The following SLC7A9 variants were observed in gnomAD, a reference collection of about 807,000 sequenced individuals.
SLC7A9 encodes the protein solute carrier family 7 member 9.
In SLC7A9, 38 loss-of-function variants were observed where a neutral mutation model predicts 54.1. That is an observed-to-expected ratio of 0.70 (90% CI 0.54 to 0.92). The LOEUF (loss-of-function observed/expected upper bound fraction) is 0.92, where lower values mean the gene tolerates loss of function less well. Among genes scored for constraint, SLC7A9 ranks in the 40% least tolerant of loss-of-function variants. The pLI is 0.00. For synonymous variants in SLC7A9, 264 were observed against 258.9 expected, an observed-to-expected ratio of 1.02 and a Z score of -0.19; for missense variants, 537 against 636.1, an observed-to-expected ratio of 0.84 and a Z score of 1.68.
In SLC7A9 at chr19:32,842,278, T is replaced by C; in HGVS notation, c.1114A>G (p.Asn372Asp). Residue 372 changes from asparagine to aspartate, a missense_variant, in exon 11 of 13, where the codon AAC becomes GAC. By Grantham distance (23) the Asn-to-Asp change is conservative. Transcript: ENST00000023064. ...AAGCTGAAATAATTGACTAACGAGT[T>C]TATGTCACCAGGGATGATATAAATC... is the stretch of plus-strand genomic sequence containing the variant. The part of the protein sequence containing the change: ...ATIYIIPGDI[N>D]SLVNYFSFAA... The C allele has an allele frequency of 4.3e-6, 7 of 1,613,998 alleles. No homozygotes were observed. Among genetic ancestry groups the C allele is most frequent in the Non-Finnish European group, 5.1e-6 (6 of 1,179,902 alleles).
rs372780148 is a variant in SLC7A9 at position 32,868,441 on chromosome 19, G to A, written c.87+7C>T. 1.9e-5 allele frequency: 31 copies of A among 1,611,996 alleles called. No individual in the cohort carries two copies. Among genetic ancestry groups the A allele is most frequent in the African/African-American group, 9.4e-5 (7 of 74,822 alleles). On this transcript the variant is annotated splice_region_variant and intron_variant, in intron 2 of 12. Transcript: ENST00000023064. ...CAAAGGGCCTGCCCCACCAGAGACC[G>A]CCTTACCTCCTTTTGGAGACTGGTG...
intron 11 of SLC7A9, among the ~76,000 whole-genome samples, chr19:32,840,575 C>T (rs1968099471): frequency 6.6e-6 from 1 of 152,108 alleles, no homozygotes; most frequent in Admixed American, 6.6e-5. Context: ...GAGCCCCTTC[C>T]CAGTTGAGAG....
At chr19:32,865,746 G>A (rs1221775038) in intron 2 of SLC7A9, among the ~76,000 whole-genome samples, 5 of 152,126 alleles carry the variant, frequency 3.3e-5, no homozygotes, top group Non-Finnish European at 5.9e-5. Flanking sequence ...CGAGGCAGGC[G>A]GATCACCTGA....
intron 11 of SLC7A9, among the ~76,000 whole-genome samples, chr19:32,836,944 T>C (rs1034749136): frequency 1.3e-5 from 2 of 152,220 alleles, no homozygotes; most frequent in African/African-American, 4.8e-5. Flanking sequence ...TTTCTCTGCC[T>C]GTTCTTTTAA....
intron 4 of SLC7A9, among the ~76,000 whole-genome samples, 169 bp downstream of exon 4, chr19:32,863,927 C>T (rs866749376): frequency 1.3e-5 from 2 of 152,190 alleles, no homozygotes; most frequent in East Asian, 1.9e-4. Context: ...GCAGCCCCCA[C>T]GGGCCTGGGG....
Position 32,830,586 on chromosome 19 carries a change from AT to A in SLC7A9, c.*33del, listed in dbSNP as rs1568507471. The A allele has an allele frequency of 6.5e-7, 1 of 1,534,488 alleles. No homozygotes were observed. The highest frequency in any genetic ancestry group is 1.7e-5 in the Admixed American group (1 of 59,920). On this transcript the variant is annotated 3_prime_UTR_variant, in exon 13 of 13. Coordinates refer to ENST00000023064, the MANE Select transcript of SLC7A9 (RefSeq NM_014270.5). ...CCACAAATATTGCTTAAGAAAATAA[AT>A]TCAGCTGACTTGGCTACAAGAGACG...
intron 11 of SLC7A9, among the ~76,000 whole-genome samples, chr19:32,840,289 C>T (rs1266164885): frequency 6.6e-6 from 1 of 152,178 alleles, no homozygotes; most frequent in African/African-American, 2.4e-5. Flanking sequence ...CCTCCCACCT[C>T]AGCCTCCCAA....
Position 32,832,138 on chromosome 19 carries a change from A to G in SLC7A9, c.1399+1011T>C, listed in dbSNP as rs531707703. On this transcript the variant is annotated intron_variant, in intron 12 of 12. Coordinates refer to ENST00000023064, the MANE Select transcript of SLC7A9 (RefSeq NM_014270.5). Reference sequence around the variant, plus strand: ...TAAAAATACAAAACAACAACAAGGAAATTAGCCGGGTGTGGTGGCAGGCGC... The same window carrying G: ...TAAAAATACAAAACAACAACAAGGAGATTAGCCGGGTGTGGTGGCAGGCGC... Among the ~76,000 whole-genome samples the G allele has an allele frequency of 2.7e-5, 4 of 150,862 alleles. No homozygotes were observed. In the East Asian group the frequency reaches 7.8e-4, roughly 29 times the overall value.
At chr19:32,844,256 T>C (rs945010006) in intron 9 of SLC7A9, among the ~76,000 whole-genome samples, 1 of 152,240 alleles carries the variant, frequency 6.6e-6, no homozygotes, top group African/African-American at 2.4e-5. Context: ...CCTGGCAACA[T>C]AGTGAGATCC....
At chr19:32,839,645 G>A (rs1197663126) in intron 11 of SLC7A9, among the ~76,000 whole-genome samples, 1 of 151,418 alleles carries the variant, frequency 6.6e-6, no homozygotes, top group Non-Finnish European at 1.5e-5. Context: ...AGGTCAGTTT[G>A]GCTGGGTATA....
chr19:32,853,963 C>A (rs1599673342), intron 9 of SLC7A9, among the ~76,000 whole-genome samples: 6 of 143,916 alleles, frequency 4.2e-5, no homozygotes, highest in East Asian at 2.0e-4. Flanking sequence ...GTTGTTAAAA[C>A]AAGATTAAAG....
At chr19:32,860,532 T>C (rs1968767643) in intron 7 of SLC7A9, 74 bp downstream of exon 7, 8 of 1,609,626 alleles carry the variant, frequency 5.0e-6, no homozygotes, top group Admixed American at 1.7e-5. Context: ...CCCAGGGAAA[T>C]AGCTCCAGCC....
At chr19:32,836,159 G>A (rs565433526) in intron 11 of SLC7A9, among the ~76,000 whole-genome samples, 58 of 151,606 alleles carry the variant, frequency 3.8e-4, no homozygotes, top group African/African-American at 1.3e-3. Context: ...GTGATCCGCC[G>A]GCCTCAGCCT....
At chr19:32,867,968 G>A (rs1465457841) in intron 2 of SLC7A9, among the ~76,000 whole-genome samples, 1 of 146,440 alleles carries the variant, frequency 6.8e-6, no homozygotes, top group Non-Finnish European at 1.5e-5. Context: ...ATGCAGCCGA[G>A]TGCAGTGGCA....
chr19:32,857,243 A>G (rs1968654388), intron 9 of SLC7A9, among the ~76,000 whole-genome samples: 1 of 152,074 alleles, frequency 6.6e-6, no homozygotes, highest in African/African-American at 2.4e-5. Flanking sequence ...CAGGAGTTCG[A>G]AATGGGCCTG....
intron 9 of SLC7A9, among the ~76,000 whole-genome samples, chr19:32,857,987 G>A (rs1968676975): frequency 1.3e-5 from 2 of 152,232 alleles, no homozygotes; most frequent in Admixed American, 6.5e-5. Flanking sequence ...CCAATTCTGG[G>A]TTATTTATTA....
In SLC7A9 at chr19:32,830,730, C is replaced by G. The variant is rs902400582; in HGVS notation, c.1400-46G>C. ...GAGTACAGTTAGTTAGACTGAAATT[C>G]GAAAGTTTCACTGGAGTTGTTGTGG... On this transcript the variant is annotated intron_variant, in intron 12 of 12. Transcript: ENST00000023064. The G allele has an allele frequency of 2.7e-6, 4 of 1,505,034 alleles. No homozygotes were observed. The South Asian group carries it at 3.4e-5, about 13-fold the overall frequency. The allele number at this position is 1,505,034 out of a possible 1,614,324, so 93.2% of individuals were successfully genotyped here.
intron 9 of SLC7A9, among the ~76,000 whole-genome samples, chr19:32,850,330 A>G (rs1024484743): frequency 6.7e-6 from 1 of 149,516 alleles, no homozygotes; most frequent in Non-Finnish European, 1.5e-5. Context: ...CAACTTCAGC[A>G]AAGTCTCAGG....
At chr19:32,847,617 G>T (rs373440304) in intron 9 of SLC7A9, among the ~76,000 whole-genome samples, 1 of 152,144 alleles carries the variant, frequency 6.6e-6, no homozygotes, top group Admixed American at 6.5e-5. Context: ...ACTCTGCAGG[G>T]TATTATCCAG....
Sources: gnomAD v4.1 joint callset for allele counts (sites outside exome capture counted in the v4.1 genomes callset) on GRCh38, gnomAD v4.1.1 for gene constraint, MANE v1.5 for transcripts, NCBI Gene and HGNC (gene_info 2026-07-23, HGNC 2026-07-21) for gene names.